CELF2: variants seen among roughly 807,000 people sequenced by gnomAD.
CELF2 encodes CUGBP Elav-like family member 2, also known as CUG triplet repeat RNA-binding protein 2.
CELF2 carries 8 observed loss-of-function variants against 62.6 expected under a neutral mutation model. That is an observed-to-expected ratio of 0.13 (90% CI 0.07 to 0.23). The LOEUF is 0.23. Ranked by LOEUF, CELF2 falls within the 10% of genes least tolerant of loss-of-function variation. CELF2 has a pLI of 1.00. For missense variants in CELF2, 333 were observed against 671.0 expected (o/e 0.50, Z 5.56); for synonymous variants, 258 against 250.0 (o/e 1.03, Z -0.30).
At chr10:10,859,616 T>C (rs2059942048) in intron 1 of CELF2, among the ~76,000 whole-genome samples, 1 of 152,048 alleles carries the variant, frequency 6.6e-6, no homozygotes, top group Non-Finnish European at 1.5e-5. Context: ...CACACACACA[T>C]ACACACAAAC....
At position 11,255,611 on chromosome 10, in the gene CELF2, C is replaced by T. The variant is rs889755717; in HGVS notation, c.404-2127C>T. On this transcript the variant is annotated intron_variant, in intron 4 of 12. Transcript: ENST00000633077. The surrounding 1 kb of genome is among the most constrained non-coding windows in gnomAD (Gnocchi z 5.5). The stretch of plus-strand genomic sequence containing the variant: ...GCCTTTCAACTTGTATTCCTTGGAG[C>T]CCTAGAGTTTCTGCGGTGTCCCAGG... Among the ~76,000 whole-genome samples the T allele has an allele frequency of 6.6e-6, 1 of 152,090 alleles. No homozygotes were observed. Among genetic ancestry groups the T allele is most frequent in the African/African-American group, 2.4e-5 (1 of 41,406 alleles).
the CELF2 span, among the ~76,000 whole-genome samples, chr10:10,728,121 T>G: frequency 6.6e-6 from 1 of 151,382 alleles, no homozygotes; most frequent in Non-Finnish European, 1.5e-5. Flanking sequence ...GAATGATTTT[T>G]TTTTTCTGAT....
chr10:11,000,791 T>C (rs931664390), upstream of CELF2, among the ~76,000 whole-genome samples: 1 of 152,244 alleles, frequency 6.6e-6, no homozygotes, highest in African/African-American at 2.4e-5. Flanking sequence ...TCGGGTCTTT[T>C]ATGCTTTGGA....
At position 10,936,311 on chromosome 10, in the gene CELF2, TGC is replaced by T. The variant is rs1366534279; in HGVS notation, c.89+16313_89+16314del. ...GATTGTCCAAGATCACAGAGTAATC[TGC>T]ATAATTGTGCAAAAATTCTCATGTT... On this transcript the variant is annotated intron_variant, in intron 2 of 13. Coordinates refer to the CELF2 transcript ENST00000636488. The surrounding 1 kb of genome is among the most constrained non-coding windows in gnomAD (Gnocchi z 4.0). Among the ~76,000 whole-genome samples, 406 of 152,366 alleles carry T rather than the reference TGC, an allele frequency of 2.7e-3. No individual in the cohort carries two copies. Among genetic ancestry groups the T allele is most frequent in the African/African-American group, 9.3e-3 (385 of 41,588 alleles).
At chr10:11,088,760 C>T (rs529924683) in intron 1 of CELF2, among the ~76,000 whole-genome samples, 1 of 152,268 alleles carries the variant, frequency 6.6e-6, no homozygotes, top group African/African-American at 2.4e-5. Context: ...GGACAGGGCA[C>T]AGAGATGGTG....
the CELF2 span, among the ~76,000 whole-genome samples, chr10:10,538,728 A>G: frequency 6.6e-6 from 1 of 152,222 alleles, no homozygotes; most frequent in African/African-American, 2.4e-5. Flanking sequence ...GCATGGAGAA[A>G]TTACTGAAGG....
the CELF2 span, among the ~76,000 whole-genome samples, chr10:10,592,808 C>T: frequency 3.9e-5 from 6 of 152,156 alleles, no homozygotes; most frequent in East Asian, 1.2e-3. Flanking sequence ...AGCATGGGGG[C>T]GTTGCGGTGT....
At chr10:10,553,453 G>A in the CELF2 span, among the ~76,000 whole-genome samples, 2 of 152,132 alleles carry the variant, frequency 1.3e-5, no homozygotes, top group East Asian at 3.9e-4. Context: ...CCTCTCAAAG[G>A]CCCCATCTCC....
the CELF2 span, among the ~76,000 whole-genome samples, chr10:10,765,890 TG>T: frequency 6.6e-6 from 1 of 152,130 alleles, no homozygotes; most frequent in East Asian, 1.9e-4. Context: ...GCAGAGGAAA[TG>T]CCCTGGATCC....
In CELF2 at chr10:11,270,031, AG is replaced by A. The variant is rs921045891; in HGVS notation, c.619-633del. ...GGTAGCACAGGTGTGCTGAGGGAAG[AG>A]GCCTCTCTGAAAACGTGAACGGTTA... On this transcript the variant is annotated intron_variant, in intron 6 of 12. Transcript: ENST00000633077. This position sits in a 1 kb window ranked among gnomAD's most constrained non-coding sequence, Gnocchi z 5.8. Among the ~76,000 whole-genome samples, 5 of 152,170 alleles carry A rather than the reference AG, an allele frequency of 3.3e-5. No homozygotes were observed. Among genetic ancestry groups the A allele is most frequent in the Admixed American group, 6.5e-5 (1 of 15,280 alleles).
chr10:11,273,975 C>A (rs1056954627), intron 7 of CELF2, among the ~76,000 whole-genome samples: 8 of 144,340 alleles, frequency 5.5e-5, no homozygotes, highest in South Asian at 2.3e-4. Flanking sequence ...CCCACCCCCC[C>A]CCCCCACCTT....
chr10:10,696,359 T>C, the CELF2 span, among the ~76,000 whole-genome samples: 1 of 151,672 alleles, frequency 6.6e-6, no homozygotes, highest in Non-Finnish European at 1.5e-5. Flanking sequence ...AGTCTGCCCG[T>C]TCTCAGATCT....
intron 1 of CELF2, among the ~76,000 whole-genome samples, chr10:10,857,798 G>C (rs1023961625): frequency 6.6e-6 from 1 of 150,758 alleles, no homozygotes; most frequent in East Asian, 2.0e-4. Context: ...GATGAAACTA[G>C]TAAAAAAAAT....
chr10:11,063,276 G>C (rs943282064), intron 1 of CELF2, among the ~76,000 whole-genome samples: 7 of 152,218 alleles, frequency 4.6e-5, no homozygotes, highest in African/African-American at 1.7e-4. Context: ...CATACAGAAG[G>C]GGGCTACCTA....
chr10:10,731,775 G>A, the CELF2 span, among the ~76,000 whole-genome samples: 2 of 152,126 alleles, frequency 1.3e-5, no homozygotes, highest in African/African-American at 4.8e-5. Context: ...CACTCGGTAG[G>A]AACAGAAGAA....
At position 11,165,397 on chromosome 10, in the gene CELF2, C is replaced by T. The variant is rs1311610645; in HGVS notation, c.75-89C>T. 5.9e-6 allele frequency: 9 copies of T among 1,531,656 alleles called. No individual in the cohort carries two copies. The highest frequency in any genetic ancestry group is 4.2e-5 in the African/African-American group (3 of 71,866). 94.9% of individuals were successfully genotyped at this position (1,531,656 alleles called of 1,614,324 possible). On this transcript the variant is annotated intron_variant, in intron 1 of 12. Transcript: ENST00000633077. The surrounding 1 kb of genome is among the most constrained non-coding windows in gnomAD (Gnocchi z 7.4). ...CCACTGCTCTTCTTCCTCCTCCTTC[C>T]GCCTCCCCGCTCCCCCACCCCCACT...
the CELF2 span, among the ~76,000 whole-genome samples, chr10:10,561,915 C>A: frequency 3.9e-5 from 6 of 152,070 alleles, no homozygotes; most frequent in African/African-American, 1.4e-4. Context: ...CAGGTTCAGC[C>A]CCCCTGCTCT....
At chr10:11,004,937 G>A (rs1289665969), upstream of CELF2, among the ~76,000 whole-genome samples, 4 of 152,150 alleles carry the variant, frequency 2.6e-5, no homozygotes, top group Non-Finnish European at 5.9e-5. The surrounding 1 kb of genome is among the most constrained non-coding windows in gnomAD (Gnocchi z 5.0). Flanking sequence ...ATGCTTGCTG[G>A]TAGTTTTGAT....
chr10:10,722,789 T>A, the CELF2 span, among the ~76,000 whole-genome samples: 1 of 152,182 alleles, frequency 6.6e-6, no homozygotes, highest in Admixed American at 6.5e-5. Flanking sequence ...CTGAAAGTTA[T>A]CACTATATTT....
Sources: allele counts gnomAD v4.1 joint callset (sites outside exome capture counted in the v4.1 genomes callset), GRCh38; gene constraint gnomAD v4.1.1; non-coding constraint Gnocchi (gnomAD v3.1); transcripts MANE v1.5; gene names NCBI Gene and HGNC (gene_info 2026-07-23, HGNC 2026-07-21).